SUGCT: variants seen among roughly 807,000 people sequenced by gnomAD.
SUGCT encodes succinyl-CoA:glutarate-CoA transferase.
In SUGCT, 41 loss-of-function variants were observed where a neutral mutation model predicts 55.0. The observed-to-expected ratio is 0.74, with a 90% CI of 0.58 to 0.97. SUGCT has a LOEUF of 0.97. Among genes scored for constraint, SUGCT ranks in the 50% least tolerant of loss-of-function variants. The probability of loss-of-function intolerance (pLI) is 0.00; values close to 1 mark genes in which losing one functional copy is unlikely to be tolerated. For missense variants in SUGCT, 568 were observed against 547.8 expected (o/e 1.04, Z -0.37); for synonymous variants, 187 against 200.4 (o/e 0.93, Z 0.56).
intron 9 of SUGCT, among the ~76,000 whole-genome samples, chr7:40,354,628 A>T (rs867135437): frequency 1.6e-5 from 2 of 125,912 alleles, no homozygotes; most frequent in Admixed American, 8.9e-5. Context: ...AAGGCTGAGG[A>T]TAGATGGAGT....
chr7:41,031,573 G>A, the SUGCT span, among the ~76,000 whole-genome samples: 13 of 152,272 alleles, frequency 8.5e-5, no homozygotes, highest in African/African-American at 3.1e-4. Context: ...GTGCTTTCTG[G>A]ACAAGGGCAT....
chr7:40,911,082 C>T, the SUGCT span, among the ~76,000 whole-genome samples: 1 of 152,144 alleles, frequency 6.6e-6, no homozygotes. Flanking sequence ...TTCCCTTCGC[C>T]ATGGCTGACA....
intron 12 of SUGCT, among the ~76,000 whole-genome samples, chr7:40,603,012 G>A (rs1215600063): frequency 6.6e-6 from 1 of 152,144 alleles, no homozygotes; most frequent in Non-Finnish European, 1.5e-5. Context: ...AGCATAAATA[G>A]GACTGAGGGG....
At chr7:40,740,895 T>C (rs1284417339) in intron 12 of SUGCT, among the ~76,000 whole-genome samples, 1 of 152,116 alleles carries the variant, frequency 6.6e-6, no homozygotes, top group African/African-American at 2.4e-5. Flanking sequence ...CAAAACATAA[T>C]ACAAAATAAA....
At chr7:40,893,764 A>G in the SUGCT span, among the ~76,000 whole-genome samples, 23 of 152,304 alleles carry the variant, frequency 1.5e-4, no homozygotes, top group African/African-American at 5.5e-4. Flanking sequence ...CTTGACTTCA[A>G]ACTATACTAC....
chr7:40,986,074 C>A, the SUGCT span, among the ~76,000 whole-genome samples: 1 of 152,196 alleles, frequency 6.6e-6, no homozygotes, highest in Admixed American at 6.5e-5. Context: ...TTTTACACAA[C>A]ATGAGCCGAA....
At chr7:40,656,492 A>T (rs1801023607) in intron 12 of SUGCT, among the ~76,000 whole-genome samples, 1 of 152,186 alleles carries the variant, frequency 6.6e-6, no homozygotes, top group Admixed American at 6.5e-5. Flanking sequence ...AAAAAGTGTA[A>T]TTAAACCAAC....
intron 10 of SUGCT, among the ~76,000 whole-genome samples, chr7:40,455,296 A>G (rs1318820419): frequency 6.6e-6 from 1 of 152,228 alleles, no homozygotes; most frequent in Admixed American, 6.5e-5. Context: ...ACCAGAAAGC[A>G]AAACAGGGAT....
At chr7:40,281,858 C>T (rs540600994) in intron 8 of SUGCT, among the ~76,000 whole-genome samples, 2 of 152,216 alleles carry the variant, frequency 1.3e-5, no homozygotes, top group African/African-American at 2.4e-5. Flanking sequence ...CTCAATCTGT[C>T]ACCCAGGCTG....
the SUGCT span, among the ~76,000 whole-genome samples, chr7:40,974,462 A>G: frequency 3.3e-5 from 5 of 152,250 alleles, no homozygotes; most frequent in Admixed American, 3.3e-4. Flanking sequence ...AGACACAAAA[A>G]GAAGGTGACC....
At chr7:40,562,261 T>C (rs961881681) in intron 12 of SUGCT, among the ~76,000 whole-genome samples, 2 of 147,602 alleles carry the variant, frequency 1.4e-5, no homozygotes, top group Non-Finnish European at 3.0e-5. Context: ...ATCGCGTGAC[T>C]GCACTCCAGC....
At chr7:40,598,848 C>T (rs1411343136) in intron 12 of SUGCT, among the ~76,000 whole-genome samples, 1 of 152,144 alleles carries the variant, frequency 6.6e-6, no homozygotes, top group East Asian at 1.9e-4. Context: ...ATACATGGCT[C>T]TCAGAATGGA....
At chr7:40,705,841 GCATAT>G (rs1442733394) in intron 12 of SUGCT, among the ~76,000 whole-genome samples, 1 of 152,148 alleles carries the variant, frequency 6.6e-6, no homozygotes, top group East Asian at 1.9e-4. Context: ...TTCCATGGTG[GCATAT>G]CTCAGAAACT....
intron 7 of SUGCT, among the ~76,000 whole-genome samples, chr7:40,271,783 C>T (rs10234315): frequency 0.18 from 27,626 of 151,774 alleles, 2,662 homozygotes; most frequent in Middle Eastern, 0.23. Flanking sequence ...CTTATTTCTT[C>T]CATCTAAGCG....
At chr7:40,651,872 A>G (rs1394458442) in intron 12 of SUGCT, among the ~76,000 whole-genome samples, 1 of 151,964 alleles carries the variant, frequency 6.6e-6, no homozygotes, top group Non-Finnish European at 1.5e-5. Context: ...TGCATATTTT[A>G]ATTCTAATAA....
chr7:40,712,283 T>C (rs1785766697), intron 12 of SUGCT, among the ~76,000 whole-genome samples: 2 of 152,262 alleles, frequency 1.3e-5, no homozygotes, highest in East Asian at 3.8e-4. Context: ...TGAGATCTGA[T>C]AGAAAAATAT....
At chr7:41,038,037 G>T in the SUGCT span, among the ~76,000 whole-genome samples, 1 of 152,186 alleles carries the variant, frequency 6.6e-6, no homozygotes, top group Admixed American at 6.5e-5. Context: ...CGGGGGAAGA[G>T]TGCTTCTGAT....
chr7:40,394,315 T>A lies in SUGCT; in HGVS notation c.817-54972T>A, dbSNP rs968974405. On this transcript the variant is annotated intron_variant, in intron 9 of 13. Coordinates refer to ENST00000335693, the MANE Select transcript of SUGCT (RefSeq NM_001193313.2). ...CCTGTGGTTAGCAAATGGGTTTTTT[T>A]AATAGAAGACCAGATAGTAAATATT... is the stretch of plus-strand genomic sequence containing the variant. 1.2e-4 allele frequency among the ~76,000 whole-genome samples: 19 copies of A among 152,218 alleles called. 1 individual carries two copies. Among genetic ancestry groups the A allele is most frequent in the Admixed American group, 1.1e-3 (17 of 15,282 alleles).
the SUGCT span, among the ~76,000 whole-genome samples, chr7:40,930,059 A>C: frequency 8.7e-4 from 132 of 152,304 alleles, no homozygotes; most frequent in Non-Finnish European, 1.7e-3. Context: ...TTTAGGTCTA[A>C]CATTTAAGTC....
Sources: gnomAD v4.1 joint callset for allele counts (sites outside exome capture counted in the v4.1 genomes callset) on GRCh38, gnomAD v4.1.1 for gene constraint, MANE v1.5 for transcripts, NCBI Gene and HGNC (gene_info 2026-07-23, HGNC 2026-07-21) for gene names.